Variants in SETBP1 observed in about 807,000 individuals in gnomAD.
SETBP1 encodes SET binding protein 1, also known as SET-binding protein.
In SETBP1, 9 loss-of-function variants were observed where a neutral mutation model predicts 101.0. The ratio of observed to expected loss-of-function variants is 0.09; its 90% confidence interval spans 0.05 to 0.16. The LOEUF is 0.16. SETBP1 is among the 10% of genes least tolerant of loss of function. The pLI is 1.00. For synonymous variants in SETBP1, 818 were observed against 788.5 expected, an observed-to-expected ratio of 1.04 and a Z score of -0.63; for missense variants, 1,858 against 2,033.8, an observed-to-expected ratio of 0.91 and a Z score of 1.66.
intron 2 of SETBP1, among the ~76,000 whole-genome samples, chr18:44,810,797 A>C (rs188577358): frequency 6.6e-6 from 1 of 152,354 alleles, no homozygotes; most frequent in African/African-American, 2.4e-5. Flanking sequence ...TCTTGCTCAG[A>C]AATATTAAAA....
chr18:44,811,359 G>A (rs371338828), intron 2 of SETBP1, among the ~76,000 whole-genome samples: 2 of 152,238 alleles, frequency 1.3e-5, no homozygotes, highest in Non-Finnish European at 2.9e-5. Flanking sequence ...GCTCACACCT[G>A]TGTGTACACA....
intron 3 of SETBP1, among the ~76,000 whole-genome samples, chr18:44,929,347 A>G (rs2070773795): frequency 6.6e-6 from 1 of 152,158 alleles, no homozygotes; most frequent in African/African-American, 2.4e-5. Context: ...CCCTCGTAGT[A>G]TAGTTTGAAG....
chr18:44,804,534 T>G (rs998207682), intron 2 of SETBP1, among the ~76,000 whole-genome samples: 14 of 152,116 alleles, frequency 9.2e-5, no homozygotes, highest in African/African-American at 2.7e-4. Flanking sequence ...CAAGATTTGG[T>G]TTTGGGATCT....
rs1281879815 is a variant in SETBP1 at position 44,869,675 on chromosome 18, C to A, written c.540+392C>A. The A allele has an allele frequency of 1.6e-5, 5 of 310,272 alleles. No homozygotes were observed. The Admixed American group carries it at 1.7e-4, about 11-fold the overall frequency. 19.2% of individuals were successfully genotyped at this position (310,272 alleles called of 1,614,324 possible). On this transcript the variant is annotated intron_variant, in intron 3 of 5. Coordinates refer to ENST00000649279, the MANE Select transcript of SETBP1 (RefSeq NM_015559.3). ...ACTCGCATGTCTGTAATCTTTGCGG[C>A]AAATGCCTCCTAGTCAAGGCCTGAT...
At chr18:44,731,652 A>ACGCGCG (rs1555673669) in intron 2 of SETBP1, among the ~76,000 whole-genome samples, 1 of 151,748 alleles carries the variant, frequency 6.6e-6, no homozygotes, top group African/African-American at 2.4e-5. Flanking sequence ...ACACACACAC[A>ACGCGCG]CGCGCACGCA....
chr18:44,756,057 T>C (rs1054177934), intron 2 of SETBP1, among the ~76,000 whole-genome samples: 8 of 151,754 alleles, frequency 5.3e-5, no homozygotes, highest in African/African-American at 1.9e-4. Flanking sequence ...CTACTAAAAA[T>C]ACAAAAAACA....
In SETBP1 at chr18:45,035,601, G is replaced by A. The variant is rs151197605; in HGVS notation, c.4001-2884G>A. 8.0e-3 allele frequency among the ~76,000 whole-genome samples: 1,226 copies of A among 152,314 alleles called. 22 individuals carry two copies. The highest frequency in any genetic ancestry group is 0.028 in the African/African-American group (1,156 of 41,564). On this transcript the variant is annotated intron_variant, in intron 4 of 5. Coordinates refer to ENST00000649279, the MANE Select transcript of SETBP1 (RefSeq NM_015559.3). Reference sequence around the variant, plus strand: ...GTGACTTGACTCCGTTTATTCCCAAGTGGGAGTTAAATATCTGACTGCTAA... The same window carrying A: ...GTGACTTGACTCCGTTTATTCCCAAATGGGAGTTAAATATCTGACTGCTAA...
chr18:44,869,127 C>T, intron 2 of SETBP1, 103 bp from the exon 3 acceptor site: 1 of 1,030,032 alleles, frequency 9.7e-7, no homozygotes. Flanking sequence ...ACTTCTGTAG[C>T]TCTCATCCAG....
intron 2 of SETBP1, among the ~76,000 whole-genome samples, chr18:44,804,179 T>C (rs1004574145): frequency 1.3e-5 from 2 of 152,122 alleles, no homozygotes; most frequent in Admixed American, 6.6e-5. Flanking sequence ...TAATCTCTTA[T>C]GTCTTAAAGT....
At chr18:45,027,010 G>T (rs1291625131) in intron 4 of SETBP1, among the ~76,000 whole-genome samples, 1 of 151,972 alleles carries the variant, frequency 6.6e-6, no homozygotes, top group African/African-American at 2.4e-5. Context: ...CTTTAACTTG[G>T]GATGTCTCCT....
intron 4 of SETBP1, among the ~76,000 whole-genome samples, chr18:45,037,529 T>C (rs2073421660): frequency 6.6e-6 from 1 of 152,196 alleles, no homozygotes; most frequent in South Asian, 2.1e-4. Context: ...TACAAGGTAG[T>C]ATCATCACCA....
chr18:45,036,486 C>T (rs1031931729), intron 4 of SETBP1, among the ~76,000 whole-genome samples: 2 of 152,174 alleles, frequency 1.3e-5, no homozygotes, highest in African/African-American at 4.8e-5. Context: ...GTACCTAGCC[C>T]ATGATGAGCA....
chr18:44,994,184 T>C (rs187570920), intron 4 of SETBP1, among the ~76,000 whole-genome samples: 150 of 152,006 alleles, frequency 9.9e-4, no homozygotes, highest in African/African-American at 3.4e-3. Flanking sequence ...ATAAAAAACC[T>C]GGGTAAAAAA....
chr18:44,772,328 TTAAA>T (rs1464745672), intron 2 of SETBP1, among the ~76,000 whole-genome samples: 1 of 152,088 alleles, frequency 6.6e-6, no homozygotes, highest in Non-Finnish European at 1.5e-5. Context: ...TGTTTTTTCT[TTAAA>T]TAAGAAAAAG....
chr18:44,930,473 C>A (rs1014023526), intron 3 of SETBP1, among the ~76,000 whole-genome samples: 1 of 152,186 alleles, frequency 6.6e-6, no homozygotes, highest in Non-Finnish European at 1.5e-5. Context: ...GAAGGATTCA[C>A]TCTTTTTCTA....
At chr18:44,847,270 G>C (rs191141608) in intron 2 of SETBP1, among the ~76,000 whole-genome samples, 1 of 152,338 alleles carries the variant, frequency 6.6e-6, no homozygotes, top group East Asian at 1.9e-4. Context: ...AATGGAGCCA[G>C]TCTCAGCCAG....
chr18:44,771,027 C>T (rs929179608), intron 2 of SETBP1, among the ~76,000 whole-genome samples: 1 of 151,940 alleles, frequency 6.6e-6, no homozygotes, highest in Admixed American at 6.6e-5. Context: ...TTGATTTCAC[C>T]TTGCAGGGAG....
At chr18:44,700,016 C>T (rs1418966920) in intron 1 of SETBP1, among the ~76,000 whole-genome samples, 3 of 152,176 alleles carry the variant, frequency 2.0e-5, no homozygotes, top group Non-Finnish European at 4.4e-5. Flanking sequence ...TGCTGGGAAA[C>T]TTAAGTGTTC....
intron 4 of SETBP1, among the ~76,000 whole-genome samples, chr18:44,998,819 G>A (rs140851419): frequency 1.3e-5 from 2 of 152,322 alleles, no homozygotes; most frequent in East Asian, 3.9e-4. Flanking sequence ...GCTGTTTTAT[G>A]AGAAACAGTT....
Sources: gnomAD v4.1 joint callset for allele counts (sites outside exome capture counted in the v4.1 genomes callset) on GRCh38, gnomAD v4.1.1 for gene constraint, MANE v1.5 for transcripts, NCBI Gene and HGNC (gene_info 2026-07-23, HGNC 2026-07-21) for gene names.